TRPM7: variants seen among roughly 807,000 people sequenced by gnomAD.
The protein encoded by TRPM7 is transient receptor potential cation channel subfamily M member 7.
In TRPM7, 134 loss-of-function variants were observed where a neutral mutation model predicts 229.7. The observed-to-expected ratio is 0.58, with a 90% confidence interval of 0.51 to 0.67. The LOEUF (loss-of-function observed/expected upper bound fraction) is 0.67. Ranked by LOEUF, TRPM7 falls within the 30% of genes least tolerant of loss-of-function variation. The pLI, the probability that TRPM7 is intolerant of heterozygous loss-of-function variation, is 0.00. For synonymous variants in TRPM7, 699 were observed against 715.2 expected (o/e 0.98, Z 0.36); for missense variants, 1,901 against 2,210.0 (o/e 0.86, Z 2.80).
chr15:50,611,355 T>C (rs1484669696), intron 16 of TRPM7, 34 bp from the exon 17 acceptor site: 1 of 1,537,762 alleles, frequency 6.5e-7, no homozygotes, highest in South Asian at 1.2e-5. Context: ...TATACTCAGA[T>C]TAACAAACTG....
At chr15:50,635,213 A>G (rs1371549462) in intron 7 of TRPM7, among the ~76,000 whole-genome samples, 1 of 148,456 alleles carries the variant, frequency 6.7e-6, no homozygotes, top group Non-Finnish European at 1.5e-5. Flanking sequence ...GCTACTCAGG[A>G]GGGCTGAGGC....
At chr15:50,680,325 G>C (rs745669956) in intron 1 of TRPM7, among the ~76,000 whole-genome samples, 2 of 152,164 alleles carry the variant, frequency 1.3e-5, no homozygotes, top group African/African-American at 2.4e-5. Flanking sequence ...TAGATCACTT[G>C]AGACCAGGAG....
rs762695190 is a variant in TRPM7 at position 50,592,157 on chromosome 15, C to T, written c.4078G>A (p.Val1360Ile). The T allele has an allele frequency of 7.4e-6, 12 of 1,613,764 alleles. No individual in the cohort carries two copies. The African/African-American group carries it at 1.2e-4, about 16-fold the overall frequency. Reference protein sequence around the residue: ...SSSGALFPSAVSPPELRQRLH... With the variant: ...SSSGALFPSAISPPELRQRLH... ...CTCTGTCGCAGTTCTGGAGGGGAAA[C>T]AGCACTTGGGAATAAGGCACCAGAA... Residue 1360 changes from valine to isoleucine, a missense_variant, in exon 26 of 39, where the codon GTT becomes ATT. Physicochemically the swap from Val to Ile is conservative, Grantham distance 29. Coordinates refer to ENST00000646667, the MANE Select transcript of TRPM7 (RefSeq NM_017672.6).
intron 31 of TRPM7, among the ~76,000 whole-genome samples, chr15:50,577,532 C>T (rs371724584): frequency 2.3e-4 from 35 of 152,196 alleles, no homozygotes; most frequent in African/African-American, 7.9e-4. Flanking sequence ...CCAGCCTGGA[C>T]GACAGAGCAA....
intron 1 of TRPM7, among the ~76,000 whole-genome samples, chr15:50,684,590 G>A (rs757337643): frequency 6.6e-6 from 1 of 151,854 alleles, no homozygotes; most frequent in Non-Finnish European, 1.5e-5. Context: ...GCAGTCAGCC[G>A]AGATCGCTAC....
intron 30 of TRPM7, 32 bp downstream of exon 30, chr15:50,580,842 C>T (rs775160813): frequency 3.4e-5 from 53 of 1,572,514 alleles, no homozygotes; most frequent in Non-Finnish European, 3.9e-5. Flanking sequence ...TATGATACTT[C>T]GCAAGCTAAT....
chr15:50,628,306 T>G, intron 10 of TRPM7, 57 bp from the exon 11 acceptor site: 1 of 1,315,176 alleles, frequency 7.6e-7, no homozygotes, highest in South Asian at 1.3e-5. Context: ...CATTAAAAGG[T>G]GAACACTTTT....
chr15:50,575,932 A>G lies in TRPM7; in HGVS notation c.4619-13T>C. The G allele has an allele frequency of 6.2e-7, 1 of 1,612,706 alleles. No homozygotes were observed. The highest frequency in any genetic ancestry group is 8.5e-7 in the Non-Finnish European group (1 of 1,179,410). On this transcript the variant is annotated splice_polypyrimidine_tract_variant and intron_variant, in intron 31 of 38. Coordinates refer to ENST00000646667, the MANE Select transcript of TRPM7 (RefSeq NM_017672.6). ...GGAGAAGTGAGACCTAGAATGGCAA[A>G]TAAACAAACGAGACCATTTAAAAAG...
chr15:50,593,437 C>T (rs930114637), intron 25 of TRPM7, among the ~76,000 whole-genome samples, 180 bp downstream of exon 25: 1 of 152,076 alleles, frequency 6.6e-6, no homozygotes, highest in African/African-American at 2.4e-5. Flanking sequence ...AAATAAGAGA[C>T]TGACCAACTG....
chr15:50,681,696 G>A (rs1226004460), intron 1 of TRPM7, among the ~76,000 whole-genome samples: 1 of 152,164 alleles, frequency 6.6e-6, no homozygotes, highest in Non-Finnish European at 1.5e-5. Flanking sequence ...CTTTCCACAA[G>A]GAGCTTTGTT....
intron 4 of TRPM7, among the ~76,000 whole-genome samples, chr15:50,644,829 A>G: frequency 6.7e-6 from 1 of 150,148 alleles, no homozygotes. Context: ...AAAAGAAATG[A>G]AGCCCAAAAA....
intron 1 of TRPM7, among the ~76,000 whole-genome samples, chr15:50,675,286 T>C (rs1168526774): frequency 6.6e-6 from 1 of 151,168 alleles, no homozygotes; most frequent in Non-Finnish European, 1.5e-5. Flanking sequence ...GAGGTTGCAG[T>C]GAGCCAAGAT....
intron 26 of TRPM7, among the ~76,000 whole-genome samples, chr15:50,591,076 C>G (rs555294238): frequency 8.6e-5 from 13 of 151,746 alleles, no homozygotes; most frequent in African/African-American, 3.2e-4. Flanking sequence ...TTGTTCTTAT[C>G]TTATTTAAGC....
intron 27 of TRPM7, among the ~76,000 whole-genome samples, chr15:50,586,905 A>T (rs992941048): frequency 4.6e-5 from 7 of 152,152 alleles, no homozygotes; most frequent in African/African-American, 1.7e-4. Context: ...AGTCCCAGCT[A>T]CTCAGGAGGC....
intron 2 of TRPM7, among the ~76,000 whole-genome samples, chr15:50,660,176 A>T (rs189410248): frequency 1.3e-5 from 2 of 152,194 alleles, no homozygotes; most frequent in African/African-American, 4.8e-5. Context: ...AGTAGTAAGA[A>T]ATCAGAATAA....
At chr15:50,648,406 T>TA (rs1199608114) in intron 4 of TRPM7, among the ~76,000 whole-genome samples, 1 of 152,010 alleles carries the variant, frequency 6.6e-6, no homozygotes, top group Admixed American at 6.6e-5. Flanking sequence ...CTCTTAAACA[T>TA]AAAAGGTTAA....
At chr15:50,646,695 A>C (rs2061274929) in intron 4 of TRPM7, among the ~76,000 whole-genome samples, 1 of 152,228 alleles carries the variant, frequency 6.6e-6, no homozygotes. Flanking sequence ...TGCAGTTTCA[A>C]ATATTCCAAA....
intron 23 of TRPM7, among the ~76,000 whole-genome samples, chr15:50,595,298 A>C (rs868325211): frequency 1.3e-4 from 20 of 152,152 alleles, no homozygotes; most frequent in African/African-American, 4.8e-4. Flanking sequence ...TTTAGACTTA[A>C]GTGCAAAAGC....
Position 50,604,878 on chromosome 15 carries a change from C to A in TRPM7, c.2976G>T (p.Met992Ile). 1 of 1,570,140 alleles carries A rather than the reference C, an allele frequency of 6.4e-7. No individual in the cohort carries two copies. The highest frequency in any genetic ancestry group is 1.2e-5 in the South Asian group (1 of 85,232). The stretch of plus-strand genomic sequence containing the variant: ...TCTGTCAACTTACCATTTTTCCAAT[C>A]ATCATTACATAAGGTCCTGCCTGTT... ...VNQQAGPYVM[M>I]IGKMVANMFY... is the part of the protein sequence containing the mutation. The change falls in exon 21 of 39, where the codon ATG becomes ATT. Residue 992 changes from methionine to isoleucine, a missense_variant. Met to Ile is a conservative substitution (Grantham distance 10). Transcript: ENST00000646667.
Sources: allele counts gnomAD v4.1 joint callset (sites outside exome capture counted in the v4.1 genomes callset), GRCh38; gene constraint gnomAD v4.1.1; transcripts MANE v1.5; gene names NCBI Gene and HGNC (gene_info 2026-07-23, HGNC 2026-07-21).